LUZP2: variants seen among roughly 807,000 people sequenced by gnomAD.
LUZP2 encodes leucine zipper protein 2.
LUZP2 carries 52 observed loss-of-function variants against 51.6 expected under a neutral mutation model. The ratio of observed to expected loss-of-function variants is 1.01; its 90% CI spans 0.81 to 1.27. The LOEUF (loss-of-function observed/expected upper bound fraction) is 1.27, where lower values mean the gene tolerates loss of function less well. Among genes scored for constraint, LUZP2 ranks in the 50% most tolerant of loss-of-function variants. The pLI, the probability that LUZP2 is intolerant of heterozygous loss-of-function variation, is 0.00. For synonymous variants in LUZP2, 154 were observed against 137.3 expected (o/e 1.12, Z -0.85); for missense variants, 436 against 395.4 (o/e 1.10, Z -0.87).
chr11:24,686,817 A>G (rs926419828), intron 1 of LUZP2, among the ~76,000 whole-genome samples: 2 of 152,062 alleles, frequency 1.3e-5, no homozygotes, highest in Non-Finnish European at 2.9e-5. Context: ...TCACCTCATG[A>G]CTGCCCTTCA....
intron 5 of LUZP2, chr11:24,786,308 AT>A (rs1204457089): frequency 2.0e-6 from 2 of 980,378 alleles, no homozygotes; most frequent in African/African-American, 3.5e-5. Context: ...ATGTTTTATT[AT>A]TTTACCACGG....
At chr11:24,567,461 A>G (rs895352998) in intron 1 of LUZP2, among the ~76,000 whole-genome samples, 3 of 152,092 alleles carry the variant, frequency 2.0e-5, no homozygotes, top group African/African-American at 7.2e-5. Flanking sequence ...AACCATTAGT[A>G]TATACATTCA....
chr11:25,008,018 A>G (rs1237614742), intron 9 of LUZP2, among the ~76,000 whole-genome samples: 2 of 152,192 alleles, frequency 1.3e-5, no homozygotes, highest in African/African-American at 2.4e-5. Context: ...AATTTAATAA[A>G]CGTTCATTTA....
At chr11:24,771,819 T>C (rs1860431096) in intron 5 of LUZP2, among the ~76,000 whole-genome samples, 1 of 152,110 alleles carries the variant, frequency 6.6e-6, no homozygotes, top group Non-Finnish European at 1.5e-5. Flanking sequence ...GTTTTATAAA[T>C]TAGAGTTACC....
At chr11:25,075,444 A>G (rs1175797016) in intron 10 of LUZP2, among the ~76,000 whole-genome samples, 1 of 152,172 alleles carries the variant, frequency 6.6e-6, no homozygotes, top group Non-Finnish European at 1.5e-5. Context: ...ATATTTTAAA[A>G]TTATTTATTA....
chr11:24,800,834 C>T (rs1426489448), intron 5 of LUZP2, among the ~76,000 whole-genome samples: 1 of 152,094 alleles, frequency 6.6e-6, no homozygotes, highest in Admixed American at 6.6e-5. Flanking sequence ...TTTTCTAAAA[C>T]CCTGCAAATG....
At chr11:24,755,860 A>G (rs774435106) in intron 4 of LUZP2, among the ~76,000 whole-genome samples, 12 of 151,646 alleles carry the variant, frequency 7.9e-5, no homozygotes, top group Non-Finnish European at 1.6e-4. Flanking sequence ...TTTTCTTACC[A>G]TATTTTGAAA....
intron 5 of LUZP2, among the ~76,000 whole-genome samples, chr11:24,877,111 T>A (rs1852296420): frequency 6.6e-6 from 1 of 152,196 alleles, no homozygotes; most frequent in Admixed American, 6.6e-5. Flanking sequence ...TAGAAATATG[T>A]AATACTATAA....
At chr11:24,532,096 C>T (rs1233596404) in intron 1 of LUZP2, among the ~76,000 whole-genome samples, 1 of 150,808 alleles carries the variant, frequency 6.6e-6, no homozygotes, top group Non-Finnish European at 1.5e-5. Context: ...ACCACATTCA[C>T]TTTAATCATT....
intron 1 of LUZP2, among the ~76,000 whole-genome samples, chr11:24,592,915 A>G (rs1461265704): frequency 6.6e-6 from 1 of 152,214 alleles, no homozygotes; most frequent in Non-Finnish European, 1.5e-5. Context: ...AACAGAATCC[A>G]TTACAGACAT....
At chr11:24,597,660 A>C (rs1438326038) in intron 1 of LUZP2, among the ~76,000 whole-genome samples, 1 of 152,218 alleles carries the variant, frequency 6.6e-6, no homozygotes, top group Non-Finnish European at 1.5e-5. Flanking sequence ...AGATCCTATG[A>C]TAAATAAAGC....
intron 5 of LUZP2, among the ~76,000 whole-genome samples, chr11:24,815,645 C>T (rs1026680182): frequency 2.6e-5 from 4 of 152,268 alleles, no homozygotes; most frequent in Admixed American, 1.3e-4. Context: ...TTAGTAAGAA[C>T]AGATGGGTTG....
At chr11:24,517,099 T>C (rs1014704290) in intron 1 of LUZP2, among the ~76,000 whole-genome samples, 2 of 152,098 alleles carry the variant, frequency 1.3e-5, no homozygotes, top group Non-Finnish European at 2.9e-5. Flanking sequence ...AGTTGAAACA[T>C]ATGCATGAAA....
intron 9 of LUZP2, among the ~76,000 whole-genome samples, chr11:24,996,947 C>G (rs1590815670): frequency 6.6e-6 from 1 of 151,102 alleles, no homozygotes; most frequent in Non-Finnish European, 1.5e-5. Flanking sequence ...AGGACATGAA[C>G]TCATCATTTT....
intron 7 of LUZP2, among the ~76,000 whole-genome samples, chr11:24,932,735 A>C (rs958386495): frequency 1.8e-4 from 28 of 152,090 alleles, no homozygotes; most frequent in African/African-American, 6.3e-4. Flanking sequence ...CTCCCCACTG[A>C]AAAGGCAATT....
chr11:24,984,579 C>T (rs1404013631), intron 9 of LUZP2, among the ~76,000 whole-genome samples: 5 of 98,162 alleles, frequency 5.1e-5, no homozygotes, highest in African/African-American at 1.1e-4. Context: ...CACAAGTTCA[C>T]GAAGGGAGGA....
chr11:24,663,046 C>A (rs1856074242), intron 1 of LUZP2, among the ~76,000 whole-genome samples: 1 of 151,758 alleles, frequency 6.6e-6, no homozygotes, highest in East Asian at 1.9e-4. Context: ...TTTTGCATTC[C>A]AAAGATAATC....
At chr11:25,009,625 A>G (rs542511182) in intron 9 of LUZP2, among the ~76,000 whole-genome samples, 14 of 152,136 alleles carry the variant, frequency 9.2e-5, no homozygotes, top group Non-Finnish European at 2.1e-4. Context: ...TGAGACGAAT[A>G]TTATTTTTTA....
At chr11:25,057,209 C>A (rs958185062) in intron 10 of LUZP2, among the ~76,000 whole-genome samples, 2 of 152,098 alleles carry the variant, frequency 1.3e-5, no homozygotes, top group African/African-American at 4.8e-5. Flanking sequence ...TTTTAATACT[C>A]AAAGTCTCAA....
Sources: allele counts gnomAD v4.1 joint callset (sites outside exome capture counted in the v4.1 genomes callset), GRCh38; gene constraint gnomAD v4.1.1; transcripts MANE v1.5; gene names NCBI Gene and HGNC (gene_info 2026-07-23, HGNC 2026-07-21).